Variants in KIF20B observed in about 807,000 individuals in gnomAD.
The protein encoded by KIF20B is kinesin-like protein KIF20B.
In KIF20B, 188 loss-of-function variants were observed where a neutral mutation model predicts 232.5. The observed-to-expected ratio is 0.81, with a 90% confidence interval of 0.72 to 0.91. KIF20B has a LOEUF of 0.91. Ranked by LOEUF, KIF20B falls within the 40% of genes least tolerant of loss-of-function variation. The pLI is 0.00. For missense variants in KIF20B, 2,154 were observed against 2,055.9 expected (o/e 1.05, Z -0.92); for synonymous variants, 712 against 683.0 (o/e 1.04, Z -0.66).
intron 28 of KIF20B, among the ~76,000 whole-genome samples, chr10:89,761,643 T>C (rs1228639085): frequency 6.6e-6 from 1 of 152,212 alleles, no homozygotes; most frequent in African/African-American, 2.4e-5. Flanking sequence ...GAAAATAACA[T>C]GAGCCATTCA....
Position 89,710,051 on chromosome 10 carries a change from CAT to C in KIF20B, c.480_481del (p.Thr161IlefsTer20), listed in dbSNP as rs995424668. ...TACGGGCTAACCAATTCAGGAAAAA[CAT>C]ATACATTTCAAGGTAAATATTGTTT... On this transcript the variant is annotated frameshift_variant, in exon 5 of 33. Coordinates refer to ENST00000371728, the MANE Select transcript of KIF20B (RefSeq NM_001284259.2). LOFTEE classifies it high-confidence loss of function. The C allele has an allele frequency of 5.0e-6, 8 of 1,590,248 alleles. No homozygotes were observed. The highest frequency in any genetic ancestry group is 6.8e-6 in the Non-Finnish European group (8 of 1,169,084).
At chr10:89,743,782 T>C in intron 21 of KIF20B, 26 bp from the exon 22 acceptor site, 1 of 1,349,442 alleles carries the variant, frequency 7.4e-7, no homozygotes, top group Non-Finnish European at 1.0e-6. Context: ...AAATATTCCA[T>C]TTGTTTTATA....
chr10:89,745,099 A>G (rs1361666169), intron 22 of KIF20B, among the ~76,000 whole-genome samples: 2 of 152,124 alleles, frequency 1.3e-5, no homozygotes, highest in African/African-American at 2.4e-5. Context: ...GAAGCTTTTA[A>G]TGGTTTTTCT....
Position 89,737,738 on chromosome 10 carries a change from A to G in KIF20B, c.2897A>G (p.Asn966Ser). ...GAGGAAAAGATCATGAAATTGTCAA[A>G]TGAGATAGAAACTGCTACAAGAAGC... ...EQEEKIMKLS[N>S]EIETATRSIT... is the part of the protein sequence containing the mutation. The change falls in exon 20 of 33, where the codon AAT becomes AGT. Residue 966 changes from asparagine to serine, a missense_variant. Transcript: ENST00000371728. The G allele has an allele frequency of 1.2e-6, 2 of 1,612,606 alleles. No individual in the cohort carries two copies. The highest frequency in any genetic ancestry group is 1.1e-5 in the South Asian group (1 of 90,804).
At chr10:89,733,823 G>A (rs1410807632) in intron 19 of KIF20B, among the ~76,000 whole-genome samples, 1 of 152,118 alleles carries the variant, frequency 6.6e-6, no homozygotes, top group Non-Finnish European at 1.5e-5. Context: ...AAATTAGTCT[G>A]TATTGAAGAA....
At chr10:89,714,723 T>C (rs191252898) in intron 7 of KIF20B, among the ~76,000 whole-genome samples, 1 of 152,340 alleles carries the variant, frequency 6.6e-6, no homozygotes, top group African/African-American at 2.4e-5. Context: ...ATTTAATTTC[T>C]ATTGGTTCAT....
chr10:89,758,691 T>G lies in KIF20B; in HGVS notation c.4504-15T>G. 1 of 1,536,372 alleles carries G rather than the reference T, an allele frequency of 6.5e-7. No individual in the cohort carries two copies. Among genetic ancestry groups the G allele is most frequent in the Non-Finnish European group, 8.7e-7 (1 of 1,143,108 alleles). On this transcript the variant is annotated splice_polypyrimidine_tract_variant and intron_variant, in intron 26 of 32. Coordinates refer to ENST00000371728, the MANE Select transcript of KIF20B (RefSeq NM_001284259.2). ...ATCAAGGTTGATTTTAATATTTTCT[T>G]TATTTCCTGATTAGGAAATACTGAC...
rs1380062662 is a variant in KIF20B at position 89,732,904 on chromosome 10, A to G, written c.2393A>G (p.Asp798Gly). The G allele has an allele frequency of 3.2e-6, 5 of 1,580,748 alleles. No homozygotes were observed. The highest frequency in any genetic ancestry group is 1.8e-4 in the Middle Eastern group (1 of 5,712). ...TATTTTTAACTTATTTTGCTTTAGG[A>G]CAAGGCTGATACATCTTCTTTAATA... ...SHMENTFKCN[D>G]KADTSSLIIN... Residue 798 changes from aspartate (D) to glycine (G), a missense_variant and splice_region_variant, in exon 19 of 33, where the codon GAC (aspartate) becomes GGC (glycine). By Grantham distance (94) the Asp-to-Gly change is moderately conservative (BLOSUM62 -1). Transcript: ENST00000371728.
chr10:89,751,663 A>G (rs1842025212), intron 24 of KIF20B, among the ~76,000 whole-genome samples, 192 bp downstream of exon 24: 1 of 130,234 alleles, frequency 7.7e-6, no homozygotes, highest in South Asian at 2.8e-4. Context: ...AATTATATGC[A>G]GTAAAGGAGT....
chr10:89,751,389 A>G lies in KIF20B; in HGVS notation c.4140A>G (p.Thr1380=), dbSNP rs373371018. The G allele has an allele frequency of 6.2e-7, 1 of 1,607,838 alleles. No homozygotes were observed. The highest frequency in any genetic ancestry group is 1.3e-5 in the African/African-American group (1 of 74,770). ...AAATAATTGAAGACATGCGAATGAC[A>G]CTAGAAGAACAGGAACAAACTCAGG... ...KEKIIEDMRM[T]LEEQEQTQVE... Residue 1380 remains threonine (T), a synonymous_variant, in exon 24 of 33, where the codon ACA becomes ACG. Coordinates refer to ENST00000371728, the MANE Select transcript of KIF20B (RefSeq NM_001284259.2).
chr10:89,715,185 A>G lies in KIF20B; in HGVS notation c.940+3A>G, dbSNP rs747534783. 1 of 1,530,550 alleles carries G rather than the reference A, an allele frequency of 6.5e-7. No homozygotes were observed. Among genetic ancestry groups the G allele is most frequent in the South Asian group, 1.2e-5 (1 of 84,112 alleles). 94.8% of individuals were successfully genotyped at this position (1,530,550 alleles called of 1,614,324 possible). A position where few individuals can be genotyped will look rare whatever the true frequency, so the allele number is the denominator to read the frequency against. The stretch of plus-strand genomic sequence containing the variant: ...AAAGGGCTATTCTTTTATAAAAGGT[A>G]TACTAATGAATATTTTTATCTTATT... On this transcript the variant is annotated splice_donor_region_variant and intron_variant, in intron 8 of 32. Coordinates refer to ENST00000371728, the MANE Select transcript of KIF20B (RefSeq NM_001284259.2).
intron 12 of KIF20B, 29 bp downstream of exon 12, chr10:89,718,901 T>A (rs771008843): frequency 7.5e-7 from 1 of 1,327,418 alleles, no homozygotes; most frequent in South Asian, 1.5e-5. Flanking sequence ...AAGCCTCTTA[T>A]TATTAGAATA....
chr10:89,764,195 T>C (rs960654743), intron 29 of KIF20B, among the ~76,000 whole-genome samples: 1 of 152,036 alleles, frequency 6.6e-6, no homozygotes, highest in African/African-American at 2.4e-5. Context: ...TGATTTCCAA[T>C]TTCATCCATG....
At position 89,773,432 on chromosome 10, in the gene KIF20B, C is replaced by A. The variant is rs115928480; in HGVS notation, c.5386-539C>A. ...AGTGGCCAAGAAAAATCAGGAGAAA[C>A]CTTTTTTGCCACAAGAGCTTTCAGA... On this transcript the variant is annotated intron_variant, in intron 32 of 32. Transcript: ENST00000371728. Among the ~76,000 whole-genome samples the A allele has an allele frequency of 3.0e-3, 455 of 151,964 alleles. 3 individuals are homozygous for A. Among genetic ancestry groups the A allele is most frequent in the African/African-American group, 0.01 (427 of 41,488 alleles).
rs1842791763 is a variant in KIF20B at position 89,709,390 on chromosome 10, C to T, written c.280C>T (p.Pro94Ser). 2 of 1,613,532 alleles carry T rather than the reference C, an allele frequency of 1.2e-6. No individual in the cohort carries two copies. Among genetic ancestry groups the T allele is most frequent in the Non-Finnish European group, 1.7e-6 (2 of 1,179,722 alleles). Reference protein sequence around the residue: ...LDSQTVVLKEPQCILGRLSEK... With the variant: ...LDSQTVVLKESQCILGRLSEK... ...TTCACAGACTGTTGTGCTGAAAGAGCCTCAATGCATCCTTGGTCGGTTAAG... is the reference window on the plus strand; with the variant it reads ...TTCACAGACTGTTGTGCTGAAAGAGTCTCAATGCATCCTTGGTCGGTTAAG... Residue 94 changes from proline (P) to serine (S), a missense_variant, in exon 4 of 33, where the codon CCT (proline) becomes TCT (serine). By Grantham distance (74) the Pro-to-Ser change is moderately conservative. Transcript: ENST00000371728.
intron 1 of KIF20B, among the ~76,000 whole-genome samples, chr10:89,702,851 A>T (rs1366158237): frequency 6.6e-6 from 1 of 151,634 alleles, no homozygotes; most frequent in Non-Finnish European, 1.5e-5. Context: ...AATTTGTTAT[A>T]GGGGATACAG....
chr10:89,762,733 T>C lies in KIF20B; in HGVS notation c.4887T>C (p.Pro1629=). ...CTGAGTTAGAGATTCAATTTACACC[T>C]TTACAGCCAAACAAAATGGCAGTGA... is the stretch of plus-strand genomic sequence containing the variant. ...PKPELEIQFT[P]LQPNKMAVKH... Residue 1629 remains proline (P), a synonymous_variant, in exon 29 of 33, where the codon CCT becomes CCC. Coordinates refer to ENST00000371728, the MANE Select transcript of KIF20B (RefSeq NM_001284259.2). 1 of 1,613,548 alleles carries C rather than the reference T, an allele frequency of 6.2e-7. No homozygotes were observed. The highest frequency in any genetic ancestry group is 8.5e-7 in the Non-Finnish European group (1 of 1,179,676).
At chr10:89,763,520 C>A (rs1220997417) in intron 29 of KIF20B, among the ~76,000 whole-genome samples, 1 of 152,112 alleles carries the variant, frequency 6.6e-6, no homozygotes, top group Non-Finnish European at 1.5e-5. Context: ...TGTGTATAAT[C>A]TTTGTCATTT....
chr10:89,705,118 A>G (rs541685276), intron 1 of KIF20B, among the ~76,000 whole-genome samples, 176 bp from the exon 2 acceptor site: 7 of 152,322 alleles, frequency 4.6e-5, no homozygotes, highest in African/African-American at 1.7e-4. Context: ...CTGTAAATAT[A>G]ATTTGATCTT....
Sources: gnomAD v4.1 joint callset for allele counts (sites outside exome capture counted in the v4.1 genomes callset) on GRCh38, gnomAD v4.1.1 for gene constraint, MANE v1.5 for transcripts, NCBI Gene and HGNC (gene_info 2026-07-23, HGNC 2026-07-21) for gene names.